ESYT3: variants seen among roughly 807,000 people sequenced by gnomAD.
ESYT3 encodes the protein extended synaptotagmin-3.
ESYT3 carries 101 observed loss-of-function variants against 111.5 expected under a neutral mutation model. That is an observed-to-expected ratio of 0.91 (90% CI 0.77 to 1.07). ESYT3 has a LOEUF of 1.07. ESYT3 is among the 50% of genes least tolerant of loss of function. ESYT3 has a pLI of 0.00. For missense variants in ESYT3, 1,097 were observed against 1,109.4 expected, an observed-to-expected ratio of 0.99 and a Z score of 0.16; for synonymous variants, 416 against 446.8, an observed-to-expected ratio of 0.93 and a Z score of 0.87.
intron 4 of ESYT3, 53 bp from the exon 5 acceptor site, chr3:138,459,112 GGCAAGTTTCCCAACCTTTCTGA>G: frequency 7.9e-7 from 1 of 1,265,028 alleles, no homozygotes; most frequent in Non-Finnish European, 1.1e-6. Context: ...TGTGACACTG[GGCAAGTTTCCCAACCTTTCTGA>G]GCAAGTGGAC....
At position 138,456,882 on chromosome 3, in the gene ESYT3, C is replaced by T. The variant is rs145934880; in HGVS notation, c.505-686C>T. 2.2e-3 allele frequency among the ~76,000 whole-genome samples: 340 copies of T among 152,286 alleles called. 1 individual carries two copies. Among genetic ancestry groups the T allele is most frequent in the African/African-American group, 7.8e-3 (324 of 41,544 alleles). On this transcript the variant is annotated intron_variant, in intron 3 of 22. Transcript: ENST00000389567. ...TCCTAAGAAATGATATTTACCATAT[C>T]AGAAGAACCTGGAGGGGGAAGCTGC...
At position 138,462,201 on chromosome 3, in the gene ESYT3, C is replaced by A. The variant is rs749975880; in HGVS notation, c.910C>A (p.Pro304Thr). ...TCTGACCAACCTGCGCTTCCCTCTGCCCTGTGTGAGTACCCAGTACTAGCC... is the reference window on the plus strand; with the variant it reads ...TCTGACCAACCTGCGCTTCCCTCTGACCTGTGTGAGTACCCAGTACTAGCC... The part of the protein sequence containing the change: ...LDLTNLRFPL[P>T]CGVIRVHLLE... The change falls in exon 8 of 23, where the codon CCC (proline) becomes ACC (threonine). Residue 304 changes from proline to threonine, a missense_variant. Physicochemically the swap from Pro to Thr is conservative, Grantham distance 38 (BLOSUM62 -1). Transcript: ENST00000389567. 10 of 1,614,220 alleles carry A rather than the reference C, an allele frequency of 6.2e-6. No homozygotes were observed. Among genetic ancestry groups the A allele is most frequent in the Non-Finnish European group, 6.8e-6 (8 of 1,180,032 alleles).
chr3:138,449,084 T>TTC (rs1173164769), intron 1 of ESYT3, among the ~76,000 whole-genome samples: 2 of 135,712 alleles, frequency 1.5e-5, no homozygotes, highest in African/African-American at 5.5e-5. Flanking sequence ...TTCTTTTTCT[T>TTC]TTTTTTTTTT....
intron 7 of ESYT3, among the ~76,000 whole-genome samples, chr3:138,461,789 A>G (rs2032654818): frequency 6.6e-6 from 1 of 152,192 alleles, no homozygotes; most frequent in African/African-American, 2.4e-5. Context: ...AGATTCTAAC[A>G]CAGGCTTCAG....
chr3:138,472,057 C>T (rs2033246836), intron 17 of ESYT3, among the ~76,000 whole-genome samples: 2 of 152,166 alleles, frequency 1.3e-5, no homozygotes, highest in South Asian at 4.1e-4. Flanking sequence ...CCCTGAATTC[C>T]AAGGTTGATA....
At chr3:138,465,050 AGG>A (rs1405520862) in intron 9 of ESYT3, among the ~76,000 whole-genome samples, 5 of 152,206 alleles carry the variant, frequency 3.3e-5, no homozygotes, top group Admixed American at 2.0e-4. Flanking sequence ...AGACTCACGG[AGG>A]GGCCAGGAGA....
chr3:138,471,770 A>C (rs1263858800), intron 17 of ESYT3, among the ~76,000 whole-genome samples: 1 of 152,170 alleles, frequency 6.6e-6, no homozygotes, highest in Non-Finnish European at 1.5e-5. Context: ...ACTTGAGTCC[A>C]TTTTTGTGTA....
intron 1 of ESYT3, among the ~76,000 whole-genome samples, chr3:138,442,561 A>C (rs1255761669): frequency 6.6e-6 from 1 of 152,164 alleles, no homozygotes; most frequent in East Asian, 1.9e-4. Context: ...CCCCACCCCC[A>C]GGACTCTTGT....
chr3:138,437,448 C>T (rs1446177799), intron 1 of ESYT3, among the ~76,000 whole-genome samples: 6 of 152,144 alleles, frequency 3.9e-5, no homozygotes, highest in Non-Finnish European at 5.9e-5. Context: ...GCCACTGGTG[C>T]GGCACAGGGC....
intron 18 of ESYT3, 35 bp downstream of exon 18, chr3:138,472,894 G>A (rs1319066287): frequency 8.9e-6 from 14 of 1,576,326 alleles, no homozygotes; most frequent in Middle Eastern, 1.7e-4. Flanking sequence ...TTCTAAAATC[G>A]CCTGTATGAA....
intron 1 of ESYT3, among the ~76,000 whole-genome samples, chr3:138,447,133 G>A (rs1050471371): frequency 6.6e-6 from 1 of 152,178 alleles, no homozygotes; most frequent in African/African-American, 2.4e-5. Flanking sequence ...CAACAGTTGT[G>A]CTTGGAATCT....
chr3:138,472,990 CATGGTGTGGTAGAAAGA>C, intron 18 of ESYT3, 131 bp downstream of exon 18: 1 of 1,504,504 alleles, frequency 6.6e-7, no homozygotes, highest in Non-Finnish European at 8.8e-7. Flanking sequence ...TAAGAGGCAG[CATGGTGTGGTAGAAAGA>C]ACACAGGACA....
intron 1 of ESYT3, among the ~76,000 whole-genome samples, chr3:138,442,254 A>G (rs920084765): frequency 6.6e-6 from 1 of 152,094 alleles, no homozygotes; most frequent in African/African-American, 2.4e-5. Flanking sequence ...TGCTTCCTTT[A>G]TATAGAAAAT....
intron 1 of ESYT3, among the ~76,000 whole-genome samples, chr3:138,437,169 C>T (rs988077425): frequency 2.0e-5 from 3 of 152,190 alleles, no homozygotes; most frequent in Non-Finnish European, 4.4e-5. Context: ...ACCAAGAAGG[C>T]AGTCTCGGGT....
intron 1 of ESYT3, among the ~76,000 whole-genome samples, chr3:138,438,851 C>A (rs1359248847): frequency 6.6e-6 from 1 of 152,202 alleles, no homozygotes. Context: ...ACCTGTGGGT[C>A]CCCTTTGTCT....
chr3:138,443,169 G>A (rs1226682356), intron 1 of ESYT3, among the ~76,000 whole-genome samples: 1 of 152,212 alleles, frequency 6.6e-6, no homozygotes. Context: ...CAGTTCTGCT[G>A]GGTTCAGCTG....
intron 22 of ESYT3, 72 bp from the exon 23 acceptor site, chr3:138,476,746 C>A: frequency 6.8e-7 from 1 of 1,472,800 alleles, no homozygotes; most frequent in Non-Finnish European, 9.5e-7. Flanking sequence ...GCAGGCAGGA[C>A]TAGGCAGTTT....
chr3:138,465,637 G>A (rs780740547), intron 10 of ESYT3, among the ~76,000 whole-genome samples: 5 of 152,162 alleles, frequency 3.3e-5, no homozygotes, highest in Admixed American at 6.5e-5. Context: ...TAGGCCCTGG[G>A]GGGTACAGAG....
chr3:138,462,423 AACTT>A (rs1355894459), intron 8 of ESYT3: 3 of 600,070 alleles, frequency 5.0e-6, no homozygotes, highest in Non-Finnish European at 5.8e-6. Flanking sequence ...CTGCATTCTA[AACTT>A]ACTTGGAATA....
Sources: gnomAD v4.1 joint callset for allele counts (sites outside exome capture counted in the v4.1 genomes callset) on GRCh38, gnomAD v4.1.1 for gene constraint, MANE v1.5 for transcripts, NCBI Gene and HGNC (gene_info 2026-07-23, HGNC 2026-07-21) for gene names.